The following DSE variants were observed in gnomAD, a reference collection of about 807,000 sequenced individuals.
DSE encodes the protein dermatan-sulfate epimerase.
Under a neutral mutation model 84.4 loss-of-function variants are expected in DSE, and 36 were observed. That is an observed-to-expected ratio of 0.43 (90% CI 0.33 to 0.56). The LOEUF (loss-of-function observed/expected upper bound fraction) is 0.56, where lower values mean the gene tolerates loss of function less well. DSE is among the 20% of genes least tolerant of loss of function. The probability of loss-of-function intolerance (pLI) is 0.06; values close to 1 mark genes in which losing one functional copy is unlikely to be tolerated. For synonymous variants in DSE, 410 were observed against 430.1 expected (o/e 0.95, Z 0.58); for missense variants, 862 against 1,169.6 (o/e 0.74, Z 3.84).
chr6:116,368,329 T>C (rs978110554), upstream of DSE, among the ~76,000 whole-genome samples: 2 of 152,186 alleles, frequency 1.3e-5, no homozygotes, highest in South Asian at 4.1e-4. Context: ...CCAGTGTCGG[T>C]TGGCAGAGGA....
intron 2 of DSE, among the ~76,000 whole-genome samples, chr6:116,308,647 A>G (rs925840598): frequency 6.6e-6 from 1 of 152,160 alleles, no homozygotes; most frequent in African/African-American, 2.4e-5. Flanking sequence ...AAATGGTGAT[A>G]ATAACACCCA....
chr6:116,304,436 C>T (rs182523448), intron 2 of DSE, among the ~76,000 whole-genome samples: 351 of 152,244 alleles, frequency 2.3e-3, no homozygotes, highest in Admixed American at 6.8e-3. Context: ...ACTACCATCC[C>T]CAGTGGGTTC....
At chr6:116,415,369 CT>C (rs1782631799) in intron 2 of DSE, among the ~76,000 whole-genome samples, 1 of 152,042 alleles carries the variant, frequency 6.6e-6, no homozygotes, top group Admixed American at 6.5e-5. Flanking sequence ...CATATAGGAT[CT>C]TTTTTATGTT....
At chr6:116,280,190 C>T (rs1773435055) in intron 2 of DSE, 6 of 376,154 alleles carry the variant, frequency 1.6e-5, no homozygotes, top group South Asian at 1.1e-4. Context: ...AAATCACAGC[C>T]GTAACAGTGC....
At chr6:116,254,226 C>A in exon 1 of DSE, 1 of 710,202 alleles carries the variant, frequency 1.4e-6, no homozygotes, top group South Asian at 1.5e-5. Context: ...CTTCTTGTCA[C>A]AAAAAGAATT....
At chr6:116,355,440 G>T (rs774897223) in intron 2 of DSE, among the ~76,000 whole-genome samples, 2 of 152,090 alleles carry the variant, frequency 1.3e-5, no homozygotes. Flanking sequence ...CTCCAATTAG[G>T]CCACAGACTC....
chr6:116,376,986 T>A (rs1264669031), intron 1 of DSE, among the ~76,000 whole-genome samples: 1 of 152,154 alleles, frequency 6.6e-6, no homozygotes, highest in East Asian at 1.9e-4. Flanking sequence ...TTTCTAGACT[T>A]AATAGTTTCT....
intron 2 of DSE, among the ~76,000 whole-genome samples, chr6:116,360,147 G>A: frequency 6.6e-6 from 1 of 152,152 alleles, no homozygotes; most frequent in East Asian, 1.9e-4. Flanking sequence ...AGTAGGAGCT[G>A]AATGATAAGA....
chr6:116,268,444 C>G (rs1441332487), intron 2 of DSE, among the ~76,000 whole-genome samples: 1 of 152,200 alleles, frequency 6.6e-6, no homozygotes, highest in East Asian at 1.9e-4. Context: ...TGACACATTT[C>G]TCAGAATGTC....
chr6:116,370,463 G>A (rs187589284), upstream of DSE: 33 of 987,180 alleles, frequency 3.3e-5, no homozygotes, highest in East Asian at 2.3e-3. Flanking sequence ...GTAACTATTC[G>A]GGAGGAGGCA....
At chr6:116,322,727 TTGAAGC>T (rs1265646856) in intron 2 of DSE, among the ~76,000 whole-genome samples, 1 of 152,216 alleles carries the variant, frequency 6.6e-6, no homozygotes, top group Non-Finnish European at 1.5e-5. Flanking sequence ...AAACCTGTGA[TTGAAGC>T]TGAGATTTCA....
intron 4 of DSE, chr6:116,433,125 A>G: frequency 1.8e-6 from 1 of 560,092 alleles, no homozygotes; most frequent in Non-Finnish European, 3.2e-6. Flanking sequence ...TTACCACATA[A>G]TAAATACAAG....
intron 2 of DSE, among the ~76,000 whole-genome samples, chr6:116,337,722 A>C (rs1366506488): frequency 6.6e-6 from 1 of 152,226 alleles, no homozygotes; most frequent in Non-Finnish European, 1.5e-5. Flanking sequence ...AAGAGTCTTG[A>C]GGTCAAATAA....
At chr6:116,394,438 AT>A (rs36065645) in intron 1 of DSE, among the ~76,000 whole-genome samples, 266 of 146,944 alleles carry the variant, frequency 1.8e-3, no homozygotes, top group Middle Eastern at 3.5e-3. Flanking sequence ...TAACAGCGTG[AT>A]TTTTTTTTTT....
upstream of DSE, chr6:116,366,704 C>G (rs950028617): frequency 1.3e-5 from 2 of 152,158 alleles, no homozygotes; most frequent in African/African-American, 4.8e-5. Context: ...AAAAGTTAGT[C>G]TAGGCCAAGT....
chr6:116,335,042 G>A (rs1777160743), intron 2 of DSE, among the ~76,000 whole-genome samples: 1 of 152,144 alleles, frequency 6.6e-6, no homozygotes, highest in African/African-American at 2.4e-5. Flanking sequence ...TCAAAGGAAT[G>A]TAAATCACTC....
rs540783879 is a variant in DSE, at chr6:116,345,311, A to C, written c.-53-53887A>C. 2.6e-5 allele frequency among the ~76,000 whole-genome samples: 4 copies of C among 152,340 alleles called. No individual in the cohort carries two copies. The South Asian group carries it at 8.3e-4, about 32-fold the overall frequency. On this transcript the variant is annotated intron_variant, in intron 2 of 3. Transcript: ENST00000430252. ...GCTCTTCACCCCAAATCAACAGAAT[A>C]TACATTCTTCTCAGCACCGTATTGC...
At chr6:116,267,379 T>C (rs1005314186) in intron 2 of DSE, among the ~76,000 whole-genome samples, 2 of 152,140 alleles carry the variant, frequency 1.3e-5, no homozygotes, top group African/African-American at 4.8e-5. Context: ...ATCGGGAGCA[T>C]GGCTATGCCT....
chr6:116,341,522 C>T (rs932258488), intron 2 of DSE, among the ~76,000 whole-genome samples: 1 of 151,924 alleles, frequency 6.6e-6, no homozygotes, highest in Non-Finnish European at 1.5e-5. Flanking sequence ...TTGCAAAATG[C>T]CATTGCCATT....
Sources: gnomAD v4.1 joint callset for allele counts (sites outside exome capture counted in the v4.1 genomes callset) on GRCh38, gnomAD v4.1.1 for gene constraint, MANE v1.5 for transcripts, NCBI Gene and HGNC (gene_info 2026-07-23, HGNC 2026-07-21) for gene names.